RTL4: variants seen among roughly 807,000 people sequenced by gnomAD.
The protein encoded by RTL4 is retrotransposon Gag like 4.
A neutral mutation model predicts 5.3 loss-of-function variants in RTL4; 4 were observed. The ratio of observed to expected loss-of-function variants is 0.75; its 90% CI spans 0.37 to 1.72. The LOEUF is 1.72. RTL4 is among the 40% of genes most tolerant of loss of function. The pLI is 0.04. For missense variants in RTL4, 260 were observed against 227.1 expected (o/e 1.14, Z -0.93); for synonymous variants, 98 against 87.3 (o/e 1.12, Z -0.68).
At chrX:112,417,128 C>T in the RTL4 span, among the ~76,000 whole-genome samples, 1 of 111,232 alleles carries the variant, frequency 9.0e-6, no homozygotes, top group African/African-American at 3.3e-5. Context: ...AGGCTTCAGG[C>T]TTGGATGCCC....
the RTL4 span, among the ~76,000 whole-genome samples, chrX:112,333,526 A>G: frequency 8.9e-6 from 1 of 111,865 alleles, no homozygotes; most frequent in African/African-American, 3.2e-5. Context: ...GTGTAGGACT[A>G]GAAATGTTTC....
chrX:112,135,363 G>A, the RTL4 span, among the ~76,000 whole-genome samples: 1 of 111,346 alleles, frequency 9.0e-6, no homozygotes, highest in Non-Finnish European at 1.9e-5. Context: ...TTGTTGAAGT[G>A]ACTATTTAAA....
chrX:112,433,831 C>T, the RTL4 span, among the ~76,000 whole-genome samples: 1,221 of 59,591 alleles, frequency 0.02, 58 homozygotes, highest in African/African-American at 0.089. Context: ...GGGAATGCTT[C>T]CAGTTTTTGC....
chrX:112,288,607 G>A, the RTL4 span, among the ~76,000 whole-genome samples: 2 of 112,119 alleles, frequency 1.8e-5, no homozygotes, highest in Non-Finnish European at 3.8e-5. Flanking sequence ...ATGCTGTAGT[G>A]AGAAATAACT....
upstream of RTL4, among the ~76,000 whole-genome samples, chrX:112,450,323 T>C (rs1335193437): frequency 8.9e-6 from 1 of 112,328 alleles, no homozygotes; most frequent in East Asian, 2.8e-4. Flanking sequence ...TTTGTTTTTG[T>C]AGTTGAAACA....
the RTL4 span, among the ~76,000 whole-genome samples, chrX:112,436,697 C>T: frequency 6.4e-5 from 7 of 109,473 alleles, no homozygotes; most frequent in South Asian, 1.6e-3. Context: ...ATGGAACTTT[C>T]GGAGTAAATT....
the RTL4 span, among the ~76,000 whole-genome samples, chrX:112,221,974 T>A: frequency 1.8e-5 from 2 of 112,565 alleles, no homozygotes; most frequent in Admixed American, 1.9e-4. Flanking sequence ...TAATAAAAGA[T>A]CTTGAGTTCA....
the RTL4 span, among the ~76,000 whole-genome samples, chrX:112,165,616 C>G: frequency 1.8e-5 from 2 of 111,584 alleles, no homozygotes; most frequent in Admixed American, 1.9e-4. Context: ...TTTGGCCTCC[C>G]CTTATTTTTA....
chrX:112,422,250 A>G, the RTL4 span, among the ~76,000 whole-genome samples: 1 of 111,735 alleles, frequency 8.9e-6, no homozygotes, highest in African/African-American at 3.3e-5. Context: ...TAGAGTGACT[A>G]CTATAAAATA....
chrX:112,112,764 C>T, the RTL4 span, among the ~76,000 whole-genome samples: 1 of 111,695 alleles, frequency 9.0e-6, no homozygotes, highest in East Asian at 2.8e-4. Flanking sequence ...CAGATGAGGG[C>T]TATCCCTAAA....
At chrX:112,299,200 G>T in the RTL4 span, among the ~76,000 whole-genome samples, 1 of 111,770 alleles carries the variant, frequency 8.9e-6, no homozygotes, top group Admixed American at 9.5e-5. Flanking sequence ...CTTCTAGGTG[G>T]TCTGATATAT....
At chrX:112,415,660 A>T in the RTL4 span, among the ~76,000 whole-genome samples, 1 of 108,753 alleles carries the variant, frequency 9.2e-6, no homozygotes, top group African/African-American at 3.5e-5. Context: ...ATGTATCTTT[A>T]TGACAATTGA....
chrX:112,231,661 T>TG, the RTL4 span, among the ~76,000 whole-genome samples: 5 of 109,305 alleles, frequency 4.6e-5, no homozygotes, highest in African/African-American at 1.7e-4. Flanking sequence ...ACATGGCACA[T>TG]GTATACATAT....
chrX:112,103,777 G>A, the RTL4 span, among the ~76,000 whole-genome samples: 1 of 109,855 alleles, frequency 9.1e-6, no homozygotes, highest in African/African-American at 3.3e-5. Context: ...TAAATATACA[G>A]GTAAAATTAT....
the RTL4 span, among the ~76,000 whole-genome samples, chrX:112,208,301 T>C: frequency 9.0e-6 from 1 of 111,594 alleles, no homozygotes; most frequent in Admixed American, 9.6e-5. Flanking sequence ...CTACCAGGAG[T>C]AACCAGTTCA....
chrX:112,185,387 A>ATATG, the RTL4 span, among the ~76,000 whole-genome samples: 1 of 100,047 alleles, frequency 1.0e-5, no homozygotes, highest in Admixed American at 1.1e-4. Context: ...ATATATATAT[A>ATATG]TATATATATA....
chrX:112,220,605 A>G, the RTL4 span, among the ~76,000 whole-genome samples: 1 of 112,580 alleles, frequency 8.9e-6, no homozygotes, highest in Non-Finnish European at 1.9e-5. Context: ...GTTTTTTTCT[A>G]TTGCATTGTC....
chrX:112,329,214 C>A, the RTL4 span, among the ~76,000 whole-genome samples: 1 of 111,062 alleles, frequency 9.0e-6, no homozygotes, highest in Non-Finnish European at 1.9e-5. Context: ...ACTAATGAAT[C>A]CAGGAGCTGG....
the RTL4 span, among the ~76,000 whole-genome samples, chrX:112,442,623 G>A: frequency 9.0e-6 from 1 of 111,266 alleles, no homozygotes; most frequent in Non-Finnish European, 1.9e-5. Context: ...GATTTTAAAA[G>A]CTAATGTTCT....
Sources: allele counts gnomAD v4.1 joint callset (sites outside exome capture counted in the v4.1 genomes callset), GRCh38; gene constraint gnomAD v4.1.1; transcripts MANE v1.5; gene names NCBI Gene and HGNC (gene_info 2026-07-23, HGNC 2026-07-21).